The following SLC44A1 variants were observed in gnomAD, a reference collection of about 807,000 sequenced individuals.
SLC44A1 encodes choline transporter-like protein 1.
Under a neutral mutation model 79.3 loss-of-function variants are expected in SLC44A1, and 26 were observed. That is an observed-to-expected ratio of 0.33 (90% confidence interval 0.24 to 0.46). The LOEUF (loss-of-function observed/expected upper bound fraction) is 0.46. SLC44A1 is among the 20% of genes least tolerant of loss of function. The probability of loss-of-function intolerance (pLI) is 1.00; values close to 1 mark genes in which losing one functional copy is unlikely to be tolerated. For missense variants in SLC44A1, 688 were observed against 798.1 expected, an observed-to-expected ratio of 0.86 and a Z score of 1.66; for synonymous variants, 263 against 286.2, an observed-to-expected ratio of 0.92 and a Z score of 0.82.
intron 15 of SLC44A1, among the ~76,000 whole-genome samples, chr9:105,437,127 T>C (rs1184257001): frequency 1.3e-5 from 2 of 152,152 alleles, no homozygotes; most frequent in Non-Finnish European, 2.9e-5. Context: ...GGCTTTTTTA[T>C]TTGGAAATGA....
intron 15 of SLC44A1, among the ~76,000 whole-genome samples, chr9:105,409,953 C>T (rs1449079733): frequency 1.3e-5 from 2 of 151,918 alleles, no homozygotes; most frequent in Non-Finnish European, 2.9e-5. Flanking sequence ...CCATGTTAGG[C>T]CACAAAACAA....
At chr9:105,402,704 A>G (rs1376283324) in intron 15 of SLC44A1, among the ~76,000 whole-genome samples, 1 of 151,864 alleles carries the variant, frequency 6.6e-6, no homozygotes, top group African/African-American at 2.4e-5. Flanking sequence ...AATGACTCCA[A>G]CTCTACTCTT....
At chr9:105,257,820 G>A (rs1056226371) in intron 1 of SLC44A1, among the ~76,000 whole-genome samples, 1 of 152,208 alleles carries the variant, frequency 6.6e-6, no homozygotes, top group Non-Finnish European at 1.5e-5. Context: ...CTTGCTGCTT[G>A]TCAGTATGGA....
chr9:105,274,046 T>G (rs1830139830), intron 1 of SLC44A1, among the ~76,000 whole-genome samples: 1 of 152,158 alleles, frequency 6.6e-6, no homozygotes, highest in South Asian at 2.1e-4. Context: ...GTAGTAATAC[T>G]GACACTGATG....
At chr9:105,275,668 T>G (rs1171129040) in intron 1 of SLC44A1, among the ~76,000 whole-genome samples, 2 of 152,234 alleles carry the variant, frequency 1.3e-5, no homozygotes, top group African/African-American at 4.8e-5. Context: ...TGCAGTCTCC[T>G]ATTATTTGAT....
Position 105,395,901 on chromosome 9 carries a change from T to A in SLC44A1, c.*6845T>A, listed in dbSNP as rs976110092. On this transcript the variant is annotated 3_prime_UTR_variant, in exon 16 of 16. Coordinates refer to ENST00000374720, the MANE Select transcript of SLC44A1 (RefSeq NM_080546.5). ...CATGTTGATAATCCGGTGGTGACTT[T>A]TTTTTTTTTTTTGTAAATTGTATTA... The A allele has an allele frequency of 1.1e-6, 1 of 939,864 alleles. No individual in the cohort carries two copies. Among genetic ancestry groups the A allele is most frequent in the African/African-American group, 1.8e-5 (1 of 54,250 alleles). 58.2% of individuals were successfully genotyped at this position (939,864 alleles called of 1,614,324 possible).
At chr9:105,364,497 C>G in intron 9 of SLC44A1, 58 bp from the exon 10 acceptor site, 1 of 1,488,314 alleles carries the variant, frequency 6.7e-7, no homozygotes, top group Non-Finnish European at 9.2e-7. Flanking sequence ...ACTTAACTGC[C>G]GTATTTCTGG....
intron 3 of SLC44A1, among the ~76,000 whole-genome samples, chr9:105,332,626 C>G (rs1372063680): frequency 6.6e-6 from 1 of 152,158 alleles, no homozygotes; most frequent in African/African-American, 2.4e-5. Context: ...CCCTCCTGTT[C>G]TTGTTTTCTT....
At chr9:105,264,448 T>C (rs1394719750) in intron 1 of SLC44A1, among the ~76,000 whole-genome samples, 1 of 152,218 alleles carries the variant, frequency 6.6e-6, no homozygotes, top group Non-Finnish European at 1.5e-5. Context: ...ATTACAGGCG[T>C]GAGCCCTCGC....
intron 3 of SLC44A1, among the ~76,000 whole-genome samples, chr9:105,323,844 C>A (rs576588907): frequency 6.6e-6 from 1 of 152,300 alleles, no homozygotes; most frequent in Non-Finnish European, 1.5e-5. Flanking sequence ...AATTGTTCTA[C>A]CTATAAAATC....
At chr9:105,299,772 T>C (rs1221571473) in intron 2 of SLC44A1, 5 of 986,326 alleles carry the variant, frequency 5.1e-6, no homozygotes, top group Non-Finnish European at 6.0e-6. Context: ...TCTGCTGTAA[T>C]GAGTGGCATC....
chr9:105,292,685 G>A (rs327984), intron 1 of SLC44A1, among the ~76,000 whole-genome samples: 23,862 of 152,068 alleles, frequency 0.16, 2,602 homozygotes, highest in African/African-American at 0.31. Context: ...TCTCACAAAC[G>A]TTTCCTTAAT....
intron 15 of SLC44A1, among the ~76,000 whole-genome samples, chr9:105,419,078 CA>C (rs1306518973): frequency 1.3e-5 from 2 of 151,894 alleles, no homozygotes; most frequent in Non-Finnish European, 2.9e-5. Flanking sequence ...AGCCAAGTGA[CA>C]AAAGTTTGAA....
intron 15 of SLC44A1, among the ~76,000 whole-genome samples, chr9:105,406,668 C>T (rs12346049): frequency 2.0e-5 from 3 of 151,994 alleles, no homozygotes; most frequent in East Asian, 3.9e-4. Context: ...CTTGAGCCCA[C>T]GAGTTCAAGG....
At position 105,304,966 on chromosome 9, in the gene SLC44A1, T is replaced by G. The variant is rs1398393246; in HGVS notation, c.127-4758T>G. ...ATCGTTTTTTTTTTTTTTTTTTTTT[T>G]TTTTTTTTTTTTTTTTTTTTCAGAG... On this transcript the variant is annotated intron_variant, in intron 2 of 15. Transcript: ENST00000374720. Among the ~76,000 whole-genome samples, 383 of 116,908 alleles carry G rather than the reference T, an allele frequency of 3.3e-3. 5 individuals are homozygous for G. The highest frequency in any genetic ancestry group is 0.012 in the African/African-American group (344 of 28,686). The allele number at this position is 116,908 out of a possible 152,430, so 76.7% of individuals were successfully genotyped here.
chr9:105,327,807 G>T (rs1307963507), intron 3 of SLC44A1, among the ~76,000 whole-genome samples: 2 of 152,076 alleles, frequency 1.3e-5, no homozygotes, highest in Non-Finnish European at 2.9e-5. Flanking sequence ...TTCCATTAAT[G>T]GGGTACGTTT....
chr9:105,392,554 C>T lies in SLC44A1; in HGVS notation c.*3498C>T. ...TTTCACCCTAGTAGGGGGTATGAGG[C>T]ACTGACCCCTTTATTCTGGACCCAA... On this transcript the variant is annotated 3_prime_UTR_variant, in exon 16 of 16. Coordinates refer to ENST00000374720, the MANE Select transcript of SLC44A1 (RefSeq NM_080546.5). 1 of 985,222 alleles carries T rather than the reference C, an allele frequency of 1.0e-6. No homozygotes were observed. Among genetic ancestry groups the T allele is most frequent in the Non-Finnish European group, 1.2e-6 (1 of 829,902 alleles). The allele number at this position is 985,222 out of a possible 1,614,324, so 61.0% of individuals were successfully genotyped here.
intron 3 of SLC44A1, among the ~76,000 whole-genome samples, chr9:105,323,794 C>A (rs35412407): frequency 0.01 from 1,585 of 152,242 alleles, 9 homozygotes; most frequent in Non-Finnish European, 0.016. Context: ...TTCAGGGTTC[C>A]GTTTTTCATA....
intron 1 of SLC44A1, among the ~76,000 whole-genome samples, chr9:105,285,476 C>T (rs1238054499): frequency 6.6e-6 from 1 of 152,212 alleles, no homozygotes; most frequent in African/African-American, 2.4e-5. Context: ...TACCCACTGT[C>T]TCACGCGTCC....
Sources: allele counts gnomAD v4.1 joint callset (sites outside exome capture counted in the v4.1 genomes callset), GRCh38; gene constraint gnomAD v4.1.1; transcripts MANE v1.5; gene names NCBI Gene and HGNC (gene_info 2026-07-23, HGNC 2026-07-21).